Variants in PTGS1 observed in about 807,000 individuals in gnomAD.
The protein encoded by PTGS1 is prostaglandin G/H synthase 1.
A neutral mutation model predicts 63.0 loss-of-function variants in PTGS1; 40 were observed. The observed-to-expected ratio is 0.63, with a 90% CI of 0.49 to 0.83. PTGS1 has a LOEUF of 0.83. Among genes scored for constraint, PTGS1 ranks in the 40% least tolerant of loss-of-function variants. The pLI, the probability that PTGS1 is intolerant of heterozygous loss-of-function variation, is 0.00. For missense variants in PTGS1, 709 were observed against 786.5 expected, an observed-to-expected ratio of 0.90 and a Z score of 1.18; for synonymous variants, 298 against 301.9, an observed-to-expected ratio of 0.99 and a Z score of 0.13.
chr9:122,392,183 T>C lies in PTGS1; in HGVS notation c.1445-6T>C, dbSNP rs1287546996. The C allele has an allele frequency of 1.9e-6, 3 of 1,576,016 alleles. No individual in the cohort carries two copies. Among genetic ancestry groups the C allele is most frequent in the South Asian group, 1.2e-5 (1 of 85,480 alleles). ...GATGCTAGCATTTCCCCTTATCTCC[T>C]TGTAGGAGAGAAGGAGATGGCAGCA... On this transcript the variant is annotated splice_region_variant and splice_polypyrimidine_tract_variant and intron_variant, in intron 10 of 10. Coordinates refer to ENST00000362012, the MANE Select transcript of PTGS1 (RefSeq NM_000962.4).
intron 8 of PTGS1, 79 bp downstream of exon 8, chr9:122,383,834 G>C: frequency 6.5e-7 from 1 of 1,547,246 alleles, no homozygotes; most frequent in Admixed American, 1.7e-5. Flanking sequence ...GGTACTTAGA[G>C]GTGGAGGCTG....
At chr9:122,378,226 T>A (rs1298912931) in intron 3 of PTGS1, among the ~76,000 whole-genome samples, 1 of 151,980 alleles carries the variant, frequency 6.6e-6, no homozygotes, top group East Asian at 1.9e-4. Context: ...CCATGGTGAG[T>A]CTTCACCACA....
chr9:122,378,244 G>A (rs1837294141), intron 3 of PTGS1, among the ~76,000 whole-genome samples, 189 bp from the exon 4 acceptor site: 1 of 152,096 alleles, frequency 6.6e-6, no homozygotes, highest in Non-Finnish European at 1.5e-5. Flanking sequence ...ACATGCCCTG[G>A]CCCCTGTCCT....
chr9:122,389,587 C>T (rs1412239099), intron 9 of PTGS1, among the ~76,000 whole-genome samples: 2 of 152,118 alleles, frequency 1.3e-5, no homozygotes, highest in African/African-American at 4.8e-5. Flanking sequence ...TACACTACCT[C>T]TTGGTGTAAT....
chr9:122,379,181 C>T (rs1197363547), intron 5 of PTGS1, among the ~76,000 whole-genome samples: 1 of 152,014 alleles, frequency 6.6e-6, no homozygotes, highest in Non-Finnish European at 1.5e-5. Context: ...TCAGTTGGGT[C>T]CTGCCGGGGT....
chr9:122,375,791 G>T (rs1211520737), intron 2 of PTGS1, among the ~76,000 whole-genome samples: 2 of 152,166 alleles, frequency 1.3e-5, no homozygotes, highest in Admixed American at 1.3e-4. Context: ...AGGGTTTGGG[G>T]CTAAGGGAGG....
chr9:122,390,293 G>C lies in PTGS1; in HGVS notation c.1392G>C (p.Glu464Asp). Residue 464 changes from glutamate to aspartate, a missense_variant, in exon 10 of 11, where the codon GAG becomes GAC. Coordinates refer to ENST00000362012, the MANE Select transcript of PTGS1 (RefSeq NM_000962.4). ...SREMRLQPFN[E>D]YRKRFGMKPY... ...AGATGCGGCTGCAGCCCTTCAATGA[G>C]TACCGCAAGAGGTTTGGCATGAAAC... 1 of 1,614,188 alleles carries C rather than the reference G, an allele frequency of 6.2e-7. No individual in the cohort carries two copies. Among genetic ancestry groups the C allele is most frequent in the South Asian group, 1.1e-5 (1 of 91,078 alleles).
At chr9:122,391,370 T>TAC (rs1490174789) in intron 10 of PTGS1, among the ~76,000 whole-genome samples, 1 of 69,528 alleles carries the variant, frequency 1.4e-5, no homozygotes, top group South Asian at 5.2e-4. Flanking sequence ...TATATATATA[T>TAC]ACATATATAT....
In PTGS1 at chr9:122,393,064, C is replaced by T. The variant is rs200582558; in HGVS notation, c.*520C>T. Reference sequence around the variant, plus strand: ...CCTGTTCAGTGAGATATCATAGAGACGGAGATCCTAAGGTCCAACAAGAAT... The same window carrying T: ...CCTGTTCAGTGAGATATCATAGAGATGGAGATCCTAAGGTCCAACAAGAAT... On this transcript the variant is annotated 3_prime_UTR_variant, in exon 11 of 11. Coordinates refer to ENST00000362012, the MANE Select transcript of PTGS1 (RefSeq NM_000962.4). 6 of 155,790 alleles carry T rather than the reference C, an allele frequency of 3.9e-5. No individual in the cohort carries two copies. Among genetic ancestry groups the T allele is most frequent in the Non-Finnish European group, 7.1e-5 (5 of 70,066 alleles). 9.7% of individuals were successfully genotyped at this position (155,790 alleles called of 1,614,324 possible).
At chr9:122,380,466 AAAATAAATAAATAAATAAATAAAT>A (rs59514121) in intron 5 of PTGS1, among the ~76,000 whole-genome samples, 2 of 145,788 alleles carry the variant, frequency 1.4e-5, no homozygotes, top group African/African-American at 2.6e-5. Context: ...CCCTGTCTCA[AAAATAAATAAATAAATAAATAAAT>A]AAATAAATAA....
rs528026128 is a variant in PTGS1 at position 122,392,457 on chromosome 9, C to T, written c.1713C>T (p.Thr571=). 4 of 1,614,174 alleles carry T rather than the reference C, an allele frequency of 2.5e-6. No homozygotes were observed. Among genetic ancestry groups the T allele is most frequent in the Non-Finnish European group, 3.4e-6 (4 of 1,180,034 alleles). Residue 571 remains threonine, a synonymous_variant, in exon 11 of 11, where the codon ACC becomes ACT. Coordinates refer to ENST00000362012, the MANE Select transcript of PTGS1 (RefSeq NM_000962.4). ...TGAAGAAGCTGGTCTGCCTCAACAC[C>T]AAGACCTGTCCCTACGTTTCCTTCC... is the stretch of plus-strand genomic sequence containing the variant. ...ATLKKLVCLN[T]KTCPYVSFRV...
At chr9:122,372,543 G>A (rs1326457584) in intron 2 of PTGS1, 1 of 152,246 alleles carries the variant, frequency 6.6e-6, no homozygotes, top group Non-Finnish European at 1.5e-5. Flanking sequence ...AGGCCCAGAG[G>A]GAGTGAAGCC....
At chr9:122,382,573 A>G (rs1837591386) in intron 7 of PTGS1, among the ~76,000 whole-genome samples, 1 of 152,254 alleles carries the variant, frequency 6.6e-6, no homozygotes, top group Non-Finnish European at 1.5e-5. Flanking sequence ...AGATAAACCT[A>G]AATAAAATAA....
rs5900521 is a variant in PTGS1 at position 122,391,358 on chromosome 9, CATAT to C, written c.1445-821_1445-818del. Among the ~76,000 whole-genome samples the C allele has an allele frequency of 1.2e-3, 127 of 104,310 alleles. 1 individual carries two copies. The highest frequency in any genetic ancestry group is 3.6e-3 in the African/African-American group (88 of 24,592). The allele number at this position is 104,310 out of a possible 152,430, so 68.4% of individuals were successfully genotyped here. A position where few individuals can be genotyped will look rare whatever the true frequency, so the allele number is the denominator to read the frequency against. On this transcript the variant is annotated intron_variant, in intron 10 of 10. Transcript: ENST00000362012. The stretch of plus-strand genomic sequence containing the variant: ...TGTGTATATATATACTATATATATA[CATAT>C]ATATATATACATATATATATATACA...
At chr9:122,387,319 C>G (rs773910948) in intron 9 of PTGS1, among the ~76,000 whole-genome samples, 1 of 152,028 alleles carries the variant, frequency 6.6e-6, no homozygotes, top group East Asian at 1.9e-4. Context: ...GTTTGAGGAA[C>G]AGAAGGACAT....
intron 2 of PTGS1, chr9:122,375,506 A>C: frequency 1.0e-6 from 1 of 984,036 alleles, no homozygotes; most frequent in Non-Finnish European, 1.2e-6. Flanking sequence ...TCTGGCTACC[A>C]CATCTGGATC....
chr9:122,394,797 C>A lies in PTGS1; in HGVS notation c.*2253C>A, dbSNP rs1658288631. 1 of 152,242 alleles carries A rather than the reference C, an allele frequency of 6.6e-6. No individual in the cohort carries two copies. Among genetic ancestry groups the A allele is most frequent in the East Asian group, 1.9e-4 (1 of 5,190 alleles). The allele number at this position is 152,242 out of a possible 1,614,324, so 9.4% of individuals were successfully genotyped here. On this transcript the variant is annotated 3_prime_UTR_variant, in exon 11 of 11. Transcript: ENST00000362012. ...GTCCATTTGTTCCTGCTTCCGAGAT[C>A]CCCAGGGCAGCCTGGATCCCTGCCC...
chr9:122,385,103 G>A (rs1206994217), intron 8 of PTGS1, among the ~76,000 whole-genome samples: 4 of 152,052 alleles, frequency 2.6e-5, no homozygotes, highest in East Asian at 1.9e-4. Flanking sequence ...GATTACAGGT[G>A]CCCGCCACCA....
intron 9 of PTGS1, 32 bp from the exon 10 acceptor site, chr9:122,390,166 C>A: frequency 6.2e-7 from 1 of 1,605,582 alleles, no homozygotes; most frequent in Non-Finnish European, 8.5e-7. Context: ...TGGCCTGGCT[C>A]CCAGACCACT....
Sources: allele counts gnomAD v4.1 joint callset (sites outside exome capture counted in the v4.1 genomes callset), GRCh38; gene constraint gnomAD v4.1.1; transcripts MANE v1.5; gene names NCBI Gene and HGNC (gene_info 2026-07-23, HGNC 2026-07-21).